The following GDPD4 variants were observed in gnomAD, a reference collection of about 807,000 sequenced individuals.
The protein encoded by GDPD4 is glycerophosphodiester phosphodiesterase 6.
GDPD4 carries 60 observed loss-of-function variants against 67.8 expected under a neutral mutation model. The ratio of observed to expected loss-of-function variants is 0.88; its 90% CI spans 0.72 to 1.10. The LOEUF is 1.10. GDPD4 is among the 50% of genes least tolerant of loss of function. The pLI, the probability that GDPD4 is intolerant of heterozygous loss-of-function variation, is 0.00. For missense variants in GDPD4, 623 were observed against 613.9 expected (o/e 1.01, Z -0.16); for synonymous variants, 212 against 210.9 (o/e 1.00, Z -0.04).
intron 3 of GDPD4, among the ~76,000 whole-genome samples, chr11:77,282,384 G>A (rs982856409): frequency 3.9e-5 from 6 of 152,150 alleles, no homozygotes; most frequent in Non-Finnish European, 2.9e-5. Context: ...GCTGGGTGCG[G>A]TAGCTCACAC....
chr11:77,300,995 T>G (rs1938140252), intron 1 of GDPD4, among the ~76,000 whole-genome samples: 2 of 152,158 alleles, frequency 1.3e-5, no homozygotes, highest in African/African-American at 4.8e-5. Flanking sequence ...AGGCAGCTTT[T>G]TAACCAGAAT....
chr11:77,250,957 G>A (rs79417282), intron 11 of GDPD4, among the ~76,000 whole-genome samples: 4 of 152,206 alleles, frequency 2.6e-5, no homozygotes, highest in East Asian at 1.9e-4. Context: ...TTTATCTGAT[G>A]TAAATATAGC....
At position 77,279,395 on chromosome 11, in the gene GDPD4, T is replaced by G. The variant is rs1179191011; in HGVS notation, c.58A>C (p.Thr20Pro). The G allele has an allele frequency of 6.2e-7, 1 of 1,601,816 alleles. No homozygotes were observed. The highest frequency in any genetic ancestry group is 1.1e-5 in the South Asian group (1 of 90,692). ...AACCAGTATCCTGTTCCTAGAAAAG[T>G]GACCCTGAAAAAAAATGTGTTTCAG... ...SSEYFNFDWV[T>P]FLGTGYWFFW... The change falls in exon 4 of 17, where the codon ACT (threonine) becomes CCT (proline). Residue 20 changes from threonine (T) to proline (P), a missense_variant. Thr to Pro is a conservative substitution (Grantham distance 38, BLOSUM62 -1). Transcript: ENST00000315938.
intron 10 of GDPD4, among the ~76,000 whole-genome samples, chr11:77,266,316 C>T (rs1416254438): frequency 6.6e-6 from 1 of 152,054 alleles, no homozygotes; most frequent in East Asian, 1.9e-4. Flanking sequence ...CTAGTGACTT[C>T]GTAGCCGTAA....
intron 16 of GDPD4, among the ~76,000 whole-genome samples, chr11:77,219,404 GGCTTTTGTTGCCATT>G (rs1052245902): frequency 1.8e-4 from 27 of 152,312 alleles, no homozygotes; most frequent in Admixed American, 6.5e-4. Flanking sequence ...TGTCTATTTT[GGCTTTTGTTGCCATT>G]GCTTTTGGTG....
At chr11:77,243,950 T>C in intron 12 of GDPD4, 102 bp from the exon 13 acceptor site, 1 of 736,612 alleles carries the variant, frequency 1.4e-6, no homozygotes, top group Non-Finnish European at 2.3e-6. Flanking sequence ...CAGGTAGTAT[T>C]CTACAGAGAG....
At chr11:77,242,262 C>G (rs1958681897) in intron 13 of GDPD4, among the ~76,000 whole-genome samples, 1 of 152,086 alleles carries the variant, frequency 6.6e-6, no homozygotes, top group South Asian at 2.1e-4. Flanking sequence ...TAAAACATCA[C>G]ATTGTACCCT....
intron 16 of GDPD4, among the ~76,000 whole-genome samples, chr11:77,226,426 G>T (rs1001170731): frequency 6.6e-6 from 1 of 151,766 alleles, no homozygotes; most frequent in East Asian, 1.9e-4. Flanking sequence ...AGAGAGACCC[G>T]AGATCCCACT....
chr11:77,258,572 G>T (rs1419548112), intron 10 of GDPD4, 30 bp from the exon 11 acceptor site: 2 of 1,610,540 alleles, frequency 1.2e-6, no homozygotes, highest in Admixed American at 3.3e-5. Context: ...GAAGGGCAGG[G>T]GTAGATAGGC....
intron 3 of GDPD4, among the ~76,000 whole-genome samples, chr11:77,284,217 G>T (rs943379997): frequency 3.3e-5 from 5 of 152,058 alleles, no homozygotes; most frequent in Admixed American, 6.6e-5. Context: ...CATCTGTCAT[G>T]AAATATTTTT....
intron 1 of GDPD4, among the ~76,000 whole-genome samples, chr11:77,296,183 G>A (rs1937950985): frequency 6.7e-6 from 1 of 150,258 alleles, no homozygotes; most frequent in Non-Finnish European, 1.5e-5. Context: ...CCTGGGAGGT[G>A]GAGCTTGCAG....
chr11:77,283,927 C>T (rs530901937), intron 3 of GDPD4, among the ~76,000 whole-genome samples: 2 of 148,022 alleles, frequency 1.4e-5, no homozygotes, highest in South Asian at 4.3e-4. Flanking sequence ...ACGATCTCGG[C>T]TCACTGCAAC....
chr11:77,242,849 G>C (rs1440089516), intron 13 of GDPD4, among the ~76,000 whole-genome samples: 2 of 151,986 alleles, frequency 1.3e-5, no homozygotes, highest in Non-Finnish European at 2.9e-5. Flanking sequence ...AGCCAGAAAG[G>C]CAGAAAAAGC....
At chr11:77,292,657 G>A (rs1937817962) in intron 1 of GDPD4, among the ~76,000 whole-genome samples, 1 of 152,000 alleles carries the variant, frequency 6.6e-6, no homozygotes, top group Non-Finnish European at 1.5e-5. Flanking sequence ...ATCAAAAGTT[G>A]GTTCTTTGAG....
intron 2 of GDPD4, chr11:77,286,893 C>G (rs1960017568): frequency 6.6e-6 from 1 of 152,072 alleles, no homozygotes; most frequent in South Asian, 2.1e-4. Context: ...TAATCCGTAA[C>G]CAAAAATATC....
At chr11:77,262,950 A>G (rs1206673166) in intron 10 of GDPD4, among the ~76,000 whole-genome samples, 7 of 151,988 alleles carry the variant, frequency 4.6e-5, no homozygotes, top group Non-Finnish European at 1.0e-4. Flanking sequence ...TTATCAAAAC[A>G]TAAGACAGAA....
At chr11:77,289,044 GGAGA>G (rs1937669970) in intron 1 of GDPD4, among the ~76,000 whole-genome samples, 1 of 151,362 alleles carries the variant, frequency 6.6e-6, no homozygotes, top group Admixed American at 6.6e-5. Flanking sequence ...GAGGGAAGCG[GGAGA>G]GAGAAAGAAA....
intron 4 of GDPD4, among the ~76,000 whole-genome samples, chr11:77,278,453 A>G (rs1320082698): frequency 2.0e-5 from 3 of 152,232 alleles, no homozygotes; most frequent in African/African-American, 7.2e-5. Context: ...GTTATAACTT[A>G]TATCTCACAT....
At chr11:77,266,769 A>G (rs1475640267) in intron 10 of GDPD4, among the ~76,000 whole-genome samples, 1 of 152,200 alleles carries the variant, frequency 6.6e-6, no homozygotes, top group East Asian at 1.9e-4. Context: ...TTAAAATAGA[A>G]AACAGCTTAG....
Sources: gnomAD v4.1 joint callset for allele counts (sites outside exome capture counted in the v4.1 genomes callset) on GRCh38, gnomAD v4.1.1 for gene constraint, MANE v1.5 for transcripts, NCBI Gene and HGNC (gene_info 2026-07-23, HGNC 2026-07-21) for gene names.